MAN2A1: variants seen among roughly 807,000 people sequenced by gnomAD.
MAN2A1 encodes mannosidase alpha class 2A member 1.
In MAN2A1, 76 loss-of-function variants were observed where a neutral mutation model predicts 142.6. The ratio of observed to expected loss-of-function variants is 0.53; its 90% CI spans 0.44 to 0.65. The LOEUF (loss-of-function observed/expected upper bound fraction) is 0.65. Ranked by LOEUF, MAN2A1 falls within the 30% of genes least tolerant of loss-of-function variation. The pLI is 0.00. For missense variants in MAN2A1, 1,311 were observed against 1,365.1 expected, an observed-to-expected ratio of 0.96 and a Z score of 0.62; for synonymous variants, 559 against 473.2, an observed-to-expected ratio of 1.18 and a Z score of -2.35.
intron 15 of MAN2A1, among the ~76,000 whole-genome samples, chr5:109,823,113 T>C (rs1469145600): frequency 6.6e-6 from 1 of 152,260 alleles, no homozygotes; most frequent in African/African-American, 2.4e-5. Flanking sequence ...ACATAAGTTA[T>C]GTGCTTTATT....
intron 4 of MAN2A1, among the ~76,000 whole-genome samples, chr5:109,738,806 T>TGG (rs1752182773): frequency 2.0e-5 from 3 of 152,140 alleles, no homozygotes; most frequent in Non-Finnish European, 4.4e-5. Context: ...ATATGTAATT[T>TGG]TTAATGCTGA....
intron 12 of MAN2A1, among the ~76,000 whole-genome samples, chr5:109,814,562 T>C (rs1221396219): frequency 1.3e-5 from 2 of 152,196 alleles, no homozygotes; most frequent in African/African-American, 4.8e-5. Context: ...TAGTGCAACA[T>C]TATACTCATT....
chr5:109,783,890 G>T (rs985329526), intron 9 of MAN2A1, among the ~76,000 whole-genome samples: 1 of 151,932 alleles, frequency 6.6e-6, no homozygotes, highest in Admixed American at 6.6e-5. Context: ...TTAAGAGACA[G>T]AGTCTTGCTC....
At chr5:109,732,997 A>G (rs919818495) in intron 4 of MAN2A1, among the ~76,000 whole-genome samples, 1 of 152,154 alleles carries the variant, frequency 6.6e-6, no homozygotes, top group Non-Finnish European at 1.5e-5. Context: ...ACCCATGAGC[A>G]TGGAATGTTC....
intron 12 of MAN2A1, among the ~76,000 whole-genome samples, chr5:109,791,619 C>G (rs1753739498): frequency 6.6e-6 from 1 of 151,662 alleles, no homozygotes; most frequent in Non-Finnish European, 1.5e-5. Flanking sequence ...ATAAACCATG[C>G]ATTCTCGATG....
chr5:109,717,746 A>G (rs568330342), intron 3 of MAN2A1, among the ~76,000 whole-genome samples: 1 of 152,184 alleles, frequency 6.6e-6, no homozygotes. Context: ...GTCCTTGGGC[A>G]CATTGATTTG....
rs959191046 is a variant in MAN2A1 at position 109,733,676 on chromosome 5, G to A, written c.707+4163G>A. ...TGCTGGATTACATTTATTGATTAGC[G>A]TATATTGAACCAGCCTTGCATCCCA... On this transcript the variant is annotated intron_variant, in intron 4 of 21. Transcript: ENST00000261483. 6.3e-4 allele frequency among the ~76,000 whole-genome samples: 96 copies of A among 152,110 alleles called. 1 individual carries two copies. Among genetic ancestry groups the A allele is most frequent in the South Asian group, 1.2e-3 (6 of 4,812 alleles).
At position 109,757,771 on chromosome 5, in the gene MAN2A1, GAC is replaced by G. The variant is rs1561496236; in HGVS notation, c.835+2317_835+2318del. ...TGTATATATGGATTGGACTATTCTG[GAC>G]ATTTCACATAGATGGAAGCATGTAA... is the stretch of plus-strand genomic sequence containing the variant. On this transcript the variant is annotated intron_variant, in intron 5 of 21. Coordinates refer to ENST00000261483, the MANE Select transcript of MAN2A1 (RefSeq NM_002372.4). Among the ~76,000 whole-genome samples, 5 of 152,180 alleles carry G rather than the reference GAC, an allele frequency of 3.3e-5. No individual in the cohort carries two copies. The South Asian group carries it at 1.0e-3, about 32-fold the overall frequency.
intron 9 of MAN2A1, among the ~76,000 whole-genome samples, chr5:109,782,166 A>G (rs1753477443): frequency 6.6e-6 from 1 of 152,216 alleles, no homozygotes; most frequent in Admixed American, 6.5e-5. Flanking sequence ...TGAAAAAATG[A>G]TGACTGATGG....
At chr5:109,708,681 A>G (rs1274896381) in intron 1 of MAN2A1, among the ~76,000 whole-genome samples, 1 of 152,208 alleles carries the variant, frequency 6.6e-6, no homozygotes, top group East Asian at 1.9e-4. Flanking sequence ...TGAAGGCCTT[A>G]GAACCAGAGA....
chr5:109,816,463 A>G (rs756282557), intron 12 of MAN2A1, among the ~76,000 whole-genome samples: 84 of 152,066 alleles, frequency 5.5e-4, no homozygotes, highest in Non-Finnish European at 1.3e-4. Context: ...ATTACTTACT[A>G]TAAACATTTG....
Position 109,855,184 on chromosome 5 carries a change from C to G in MAN2A1, c.3021C>G (p.His1007Gln). Reference protein sequence around the residue: ...KSVSYPSLLSHITSSLMNHPV... With the variant: ...KSVSYPSLLSQITSSLMNHPV... ...TCAGTTATCCTTCTCTCCTTAGCCACATAACTTCTTCTCTCATGAATCATC... is the reference window on the plus strand; with the variant it reads ...TCAGTTATCCTTCTCTCCTTAGCCAGATAACTTCTTCTCTCATGAATCATC... The change falls in exon 20 of 22, where the codon CAC becomes CAG. Residue 1007 changes from histidine (H) to glutamine (Q), a missense_variant. Physicochemically the swap from His to Gln is conservative, Grantham distance 24 (BLOSUM62 0). Transcript: ENST00000261483. 1 of 1,598,640 alleles carries G rather than the reference C, an allele frequency of 6.3e-7. No individual in the cohort carries two copies. The highest frequency in any genetic ancestry group is 8.5e-7 in the Non-Finnish European group (1 of 1,175,190).
rs77692957 is a variant in MAN2A1, at chr5:109,761,431, C to A, written c.835+5975C>A. 1.3e-3 allele frequency among the ~76,000 whole-genome samples: 194 copies of A among 151,942 alleles called. 1 individual carries two copies. The highest frequency in any genetic ancestry group is 4.1e-3 in the African/African-American group (172 of 41,504). On this transcript the variant is annotated intron_variant, in intron 5 of 21. Transcript: ENST00000261483. ...AGTATTTTTCACTTAACAGTGAATA[C>A]GTAATATTACTGGTTTTCTTATAGC...
intron 16 of MAN2A1, among the ~76,000 whole-genome samples, chr5:109,841,678 A>G (rs892818248): frequency 5.9e-5 from 9 of 152,228 alleles, no homozygotes; most frequent in Non-Finnish European, 1.0e-4. Context: ...TCTGTTTTAC[A>G]TAACAAAGGA....
Position 109,770,508 on chromosome 5 carries a change from C to T in MAN2A1, c.1163C>T (p.Pro388Leu), listed in dbSNP as rs1391089326. Reference sequence around the variant, plus strand: ...TTTGGTTGTCCCTGGGGAGTCCCCCCAGAAACAATACATCCTGGAAATGTC... The same window carrying T: ...TTTGGTTGTCCCTGGGGAGTCCCCCTAGAAACAATACATCCTGGAAATGTC... ...GRFGCPWGVP[P>L]ETIHPGNVQS... Residue 388 changes from proline (P) to leucine (L), a missense_variant, in exon 7 of 22, where the codon CCA becomes CTA. Physicochemically the swap from Pro to Leu is moderately conservative, Grantham distance 98. Around this residue, in one of 3 missense-constraint regions of MAN2A1, gnomAD observed 890 missense variants for 920.5 expected, o/e 0.97. Coordinates refer to ENST00000261483, the MANE Select transcript of MAN2A1 (RefSeq NM_002372.4). The T allele has an allele frequency of 6.2e-7, 1 of 1,613,730 alleles. No individual in the cohort carries two copies. Among genetic ancestry groups the T allele is most frequent in the African/African-American group, 1.3e-5 (1 of 74,892 alleles).
At chr5:109,802,590 A>G (rs1437356600) in intron 12 of MAN2A1, among the ~76,000 whole-genome samples, 1 of 152,172 alleles carries the variant, frequency 6.6e-6, no homozygotes, top group Non-Finnish European at 1.5e-5. Flanking sequence ...TGTTACTATC[A>G]TCCATACTTG....
chr5:109,778,590 CT>C (rs2112662335), intron 8 of MAN2A1, among the ~76,000 whole-genome samples: 1 of 152,004 alleles, frequency 6.6e-6, no homozygotes, highest in South Asian at 2.1e-4. Flanking sequence ...TAGGACATTG[CT>C]TTGTGTTAGG....
At chr5:109,775,519 A>T (rs1419264653) in intron 8 of MAN2A1, among the ~76,000 whole-genome samples, 1 of 151,632 alleles carries the variant, frequency 6.6e-6, no homozygotes, top group Admixed American at 6.6e-5. Context: ...TGTACTGTAA[A>T]GTTCTGAAAA....
chr5:109,729,634 T>C (rs1280893444), intron 4 of MAN2A1, 121 bp downstream of exon 4: 1 of 542,124 alleles, frequency 1.8e-6, no homozygotes, highest in Admixed American at 3.8e-5. Flanking sequence ...AAAATATTTC[T>C]TCACATACCG....
Sources: allele counts gnomAD v4.1 joint callset (sites outside exome capture counted in the v4.1 genomes callset), GRCh38; gene constraint gnomAD v4.1.1; regional missense constraint gnomAD v4.1.1; transcripts MANE v1.5; gene names NCBI Gene and HGNC (gene_info 2026-07-23, HGNC 2026-07-21).